The following CCDC73 variants were observed in gnomAD, a reference collection of about 807,000 sequenced individuals.
CCDC73 encodes coiled-coil domain containing 73.
CCDC73 carries 95 observed loss-of-function variants against 116.5 expected under a neutral mutation model. That is an observed-to-expected ratio of 0.82 (90% CI 0.69 to 0.97). The LOEUF (loss-of-function observed/expected upper bound fraction) is 0.97. Ranked by LOEUF, CCDC73 falls within the 50% of genes least tolerant of loss-of-function variation. The probability of loss-of-function intolerance (pLI) is 0.00; values close to 1 mark genes in which losing one functional copy is unlikely to be tolerated. For missense variants in CCDC73, 1,066 were observed against 1,206.8 expected (o/e 0.88, Z 1.73); for synonymous variants, 398 against 401.3 (o/e 0.99, Z 0.10).
the CCDC73 span, among the ~76,000 whole-genome samples, chr11:32,828,002 A>G: frequency 6.6e-6 from 1 of 152,204 alleles, no homozygotes; most frequent in Non-Finnish European, 1.5e-5. Context: ...AGAATCCATC[A>G]TAGAAATAGT....
intron 14 of CCDC73, among the ~76,000 whole-genome samples, chr11:32,617,773 G>A (rs928594002): frequency 3.3e-5 from 5 of 152,178 alleles, no homozygotes; most frequent in East Asian, 1.9e-4. Context: ...AGATTTGGAC[G>A]AAAATATCAT....
At chr11:32,762,863 G>A (rs1850403961) in intron 1 of CCDC73, among the ~76,000 whole-genome samples, 1 of 152,142 alleles carries the variant, frequency 6.6e-6, no homozygotes. Flanking sequence ...GGGAAGCCAT[G>A]ACACACAGCA....
chr11:32,779,275 A>C (rs963035346), intron 1 of CCDC73, among the ~76,000 whole-genome samples: 58 of 151,806 alleles, frequency 3.8e-4, no homozygotes, highest in African/African-American at 1.3e-3. Flanking sequence ...AAAAAAAAAA[A>C]AAAAAAAGGA....
chr11:32,678,934 G>A (rs947434877), intron 7 of CCDC73, among the ~76,000 whole-genome samples: 7 of 149,466 alleles, frequency 4.7e-5, no homozygotes, highest in African/African-American at 7.4e-5. Flanking sequence ...ACACACACAC[G>A]AAGAACACAC....
chr11:32,718,977 C>T (rs1177704510), intron 2 of CCDC73, among the ~76,000 whole-genome samples: 4 of 152,064 alleles, frequency 2.6e-5, no homozygotes, highest in Admixed American at 1.3e-4. Flanking sequence ...TATCAGAGAA[C>T]GCCCTTCTTC....
the CCDC73 span, among the ~76,000 whole-genome samples, chr11:32,819,038 C>G: frequency 6.6e-6 from 1 of 151,960 alleles, no homozygotes; most frequent in Non-Finnish European, 1.5e-5. Context: ...TGTGTTGTAC[C>G]CTTTAAAATG....
rs538418646 is a variant in CCDC73 at position 32,716,281 on chromosome 11, A to T, written c.207+1795T>A. Among the ~76,000 whole-genome samples the T allele has an allele frequency of 2.0e-5, 3 of 152,304 alleles. No individual in the cohort carries two copies. The East Asian group carries it at 5.8e-4, about 29-fold the overall frequency. On this transcript the variant is annotated intron_variant, in intron 3 of 17. Coordinates refer to ENST00000335185, the MANE Select transcript of CCDC73 (RefSeq NM_001008391.4). ...CCAGCTCTAATACCATTTCTTGAAT[A>T]ATCCATTATTCCCCACTGATTTAAA...
intron 1 of CCDC73, among the ~76,000 whole-genome samples, chr11:32,766,301 C>G (rs412722): frequency 0.3 from 44,936 of 152,020 alleles, 6,808 homozygotes; most frequent in South Asian, 0.35. Context: ...ATTGATGGAA[C>G]ATATCTCAAA....
intron 3 of CCDC73, among the ~76,000 whole-genome samples, chr11:32,705,219 C>T (rs1297350789): frequency 6.6e-6 from 1 of 152,186 alleles, no homozygotes; most frequent in Non-Finnish European, 1.5e-5. Flanking sequence ...GGCTAAAATA[C>T]ACCACACTGC....
chr11:32,658,011 C>T (rs1487463524), intron 9 of CCDC73, among the ~76,000 whole-genome samples: 1 of 141,588 alleles, frequency 7.1e-6, no homozygotes, highest in African/African-American at 2.7e-5. Context: ...CCACCCCCTA[C>T]CCTAGTCTCT....
At chr11:32,799,362 G>A (rs1278273492), upstream of CCDC73, among the ~76,000 whole-genome samples, 1 of 152,034 alleles carries the variant, frequency 6.6e-6, no homozygotes, top group African/African-American at 2.4e-5. Flanking sequence ...AAAGTGCTGG[G>A]ATTACAGGCA....
At chr11:32,687,267 G>C (rs933662936) in intron 6 of CCDC73, among the ~76,000 whole-genome samples, 6 of 152,154 alleles carry the variant, frequency 3.9e-5, no homozygotes, top group African/African-American at 1.4e-4. Context: ...GGCCTGAATG[G>C]AGAAAAGAGG....
the CCDC73 span, among the ~76,000 whole-genome samples, chr11:32,812,907 G>C: frequency 6.6e-6 from 1 of 152,090 alleles, no homozygotes; most frequent in Admixed American, 6.5e-5. Context: ...ATGAATGTAG[G>C]CAACAAACCA....
chr11:32,633,490 T>C (rs1022894552), intron 14 of CCDC73, among the ~76,000 whole-genome samples: 1 of 152,152 alleles, frequency 6.6e-6, no homozygotes, highest in Non-Finnish European at 1.5e-5. Context: ...GGAGGACTCA[T>C]AGGACTCAAT....
the CCDC73 span, chr11:32,830,131 C>T: frequency 1.0e-6 from 1 of 1,000,666 alleles, no homozygotes; most frequent in Non-Finnish European, 1.2e-6. Flanking sequence ...CCAAGAAGAG[C>T]CTCTGGCCCG....
At position 32,654,930 on chromosome 11, in the gene CCDC73, T is replaced by G; in HGVS notation, c.688A>C (p.Thr230Pro). Residue 230 changes from threonine to proline, a missense_variant, in exon 10 of 18, where the codon ACA becomes CCA. Thr to Pro is a conservative substitution (Grantham distance 38). Coordinates refer to ENST00000335185, the MANE Select transcript of CCDC73 (RefSeq NM_001008391.4). ...TCTTCTCCCATCTTATATTGACATG[T>G]GACTTTGGACTTTATCAAGTCTGAG... ...AASDLIKSKV[T>P]CQYKMGEENI... The G allele has an allele frequency of 6.2e-7, 1 of 1,604,254 alleles. No homozygotes were observed. The highest frequency in any genetic ancestry group is 8.5e-7 in the Non-Finnish European group (1 of 1,177,310).
At chr11:32,780,778 A>C (rs952162824) in intron 1 of CCDC73, among the ~76,000 whole-genome samples, 1 of 152,216 alleles carries the variant, frequency 6.6e-6, no homozygotes, top group South Asian at 2.1e-4. Flanking sequence ...GTTTACTGTT[A>C]CCATTTTCAT....
At chr11:32,733,060 A>T (rs550995241) in intron 2 of CCDC73, among the ~76,000 whole-genome samples, 1 of 152,352 alleles carries the variant, frequency 6.6e-6, no homozygotes, top group African/African-American at 2.4e-5. Context: ...CTCAAAATAA[A>T]GGGATGGAGG....
intron 13 of CCDC73, among the ~76,000 whole-genome samples, chr11:32,639,764 T>C (rs1855715915): frequency 6.6e-6 from 1 of 152,206 alleles, no homozygotes. Flanking sequence ...GAATTCTTTT[T>C]GTGACCTCCC....
Sources: allele counts gnomAD v4.1 joint callset (sites outside exome capture counted in the v4.1 genomes callset), GRCh38; gene constraint gnomAD v4.1.1; transcripts MANE v1.5; gene names NCBI Gene and HGNC (gene_info 2026-07-23, HGNC 2026-07-21).